AK4: variants seen among roughly 807,000 people sequenced by gnomAD.
AK4 encodes the protein adenylate kinase 4, mitochondrial.
Under a neutral mutation model 24.6 loss-of-function variants are expected in AK4, and 13 were observed. That is an observed-to-expected ratio of 0.53 (90% confidence interval 0.34 to 0.84). AK4 has a LOEUF of 0.84. Ranked by LOEUF, AK4 falls within the 40% of genes least tolerant of loss-of-function variation. The probability of loss-of-function intolerance (pLI) is 0.01; values close to 1 mark genes in which losing one functional copy is unlikely to be tolerated. For synonymous variants in AK4, 88 were observed against 107.0 expected (o/e 0.82, Z 1.10); for missense variants, 192 against 288.2 (o/e 0.67, Z 2.42).
intron 1 of AK4, among the ~76,000 whole-genome samples, chr1:65,150,556 T>C (rs1483262039): frequency 6.6e-6 from 1 of 152,198 alleles, no homozygotes. Context: ...TTTTTCCCTC[T>C]CAGAAGGTCT....
At chr1:65,225,858 A>T (rs981682610) in intron 4 of AK4, among the ~76,000 whole-genome samples, 4 of 152,196 alleles carry the variant, frequency 2.6e-5, no homozygotes, top group Admixed American at 1.3e-4. Flanking sequence ...GCATCATGAC[A>T]AGCATACCAG....
intron 1 of AK4, among the ~76,000 whole-genome samples, chr1:65,175,675 T>A (rs1650689732): frequency 6.6e-6 from 1 of 152,162 alleles, no homozygotes; most frequent in Non-Finnish European, 1.5e-5. Flanking sequence ...AGAGGGCCCC[T>A]GAGATTTCCA....
intron 3 of AK4, among the ~76,000 whole-genome samples, chr1:65,224,310 C>T (rs1482038611): frequency 6.6e-6 from 1 of 152,100 alleles, no homozygotes; most frequent in Non-Finnish European, 1.5e-5. Context: ...CCGTATTCTC[C>T]TAGATTAGTA....
intron 1 of AK4, among the ~76,000 whole-genome samples, chr1:65,179,041 G>A (rs4570453): frequency 0.042 from 6,458 of 152,204 alleles, 363 homozygotes; most frequent in African/African-American, 0.13. Flanking sequence ...GATGGATTGG[G>A]GGAGGGAGAG....
chr1:65,183,067 T>C (rs1053332594), intron 1 of AK4, among the ~76,000 whole-genome samples: 2 of 152,144 alleles, frequency 1.3e-5, no homozygotes, highest in African/African-American at 2.4e-5. Context: ...GCCTGGCACA[T>C]AGATGCTTAA....
At chr1:65,157,894 G>A (rs1219021688) in intron 1 of AK4, among the ~76,000 whole-genome samples, 1 of 152,136 alleles carries the variant, frequency 6.6e-6, no homozygotes, top group Non-Finnish European at 1.5e-5. Flanking sequence ...CTTTTTAGAG[G>A]AGGCGATTCC....
At chr1:65,190,304 G>GC (rs1240355242) in intron 1 of AK4, among the ~76,000 whole-genome samples, 1 of 150,906 alleles carries the variant, frequency 6.6e-6, no homozygotes, top group Non-Finnish European at 1.5e-5. Context: ...GCCCAGGCTG[G>GC]CATTCAGTAG....
At chr1:65,158,937 T>G (rs1218426330) in intron 1 of AK4, among the ~76,000 whole-genome samples, 1 of 152,210 alleles carries the variant, frequency 6.6e-6, no homozygotes, top group Non-Finnish European at 1.5e-5. Context: ...AAAGGTCTTG[T>G]TTGTACAGCT....
intron 4 of AK4, among the ~76,000 whole-genome samples, chr1:65,225,706 G>A (rs1652433474): frequency 6.6e-6 from 1 of 152,030 alleles, no homozygotes; most frequent in Non-Finnish European, 1.5e-5. Flanking sequence ...CATCAATTAT[G>A]TATTCCATGA....
rs1382362534 is a variant in AK4 at position 65,148,416 on chromosome 1, C to T, written c.9C>T (p.Ser3=). Residue 3 remains serine, a synonymous_variant, in exon 1 of 5, where the codon TCC becomes TCT. Transcript: ENST00000327299. MA[S]KLLRAVILGP... is the part of the protein sequence containing the mutation. ...CCCTCCTCGCGAAGGCAATGGCTTC[C>T]AAACTCCTGCGCGCGGTCATCCTCG... The T allele has an allele frequency of 5.6e-5, 87 of 1,544,790 alleles. No homozygotes were observed. The highest frequency in any genetic ancestry group is 7.2e-5 in the Non-Finnish European group (82 of 1,145,226).
At chr1:65,148,679 G>A (rs1383776447) in intron 1 of AK4, 127 bp downstream of exon 1, 1 of 1,287,432 alleles carries the variant, frequency 7.8e-7, no homozygotes. Context: ...AGGCTCGTAC[G>A]TGCCGGGGCG....
intron 2 of AK4, among the ~76,000 whole-genome samples, chr1:65,208,568 G>A (rs1052736923): frequency 2.6e-5 from 4 of 152,160 alleles, no homozygotes; most frequent in African/African-American, 7.2e-5. Flanking sequence ...AGAGATGGGC[G>A]GTCCGAAGCA....
At chr1:65,185,480 G>T (rs1038890476) in intron 1 of AK4, among the ~76,000 whole-genome samples, 2 of 152,052 alleles carry the variant, frequency 1.3e-5, no homozygotes, top group Non-Finnish European at 2.9e-5. Context: ...GTTCTTCCAG[G>T]TATACCAAAG....
Position 65,210,053 on chromosome 1 carries a change from T to G in AK4, c.266-8701T>G, listed in dbSNP as rs146396194. 6.6e-4 allele frequency among the ~76,000 whole-genome samples: 101 copies of G among 152,292 alleles called. 2 individuals are homozygous for G. In the East Asian group the frequency reaches 0.019, roughly 29 times the overall value. ...AAAATCCTGGGCTCAAGTGAAATCC[T>G]CTCAAAATGCTGGGACTGTAGGTGT... On this transcript the variant is annotated intron_variant, in intron 2 of 4. Coordinates refer to ENST00000327299, the MANE Select transcript of AK4 (RefSeq NM_013410.4).
intron 2 of AK4, among the ~76,000 whole-genome samples, chr1:65,192,924 G>GA (rs1290841798): frequency 5.9e-5 from 9 of 152,244 alleles, no homozygotes; most frequent in Non-Finnish European, 1.2e-4. Context: ...CAGGGCCTCA[G>GA]AAGCCCCACC....
chr1:65,181,824 T>A (rs1007856329), intron 1 of AK4, among the ~76,000 whole-genome samples: 1 of 152,242 alleles, frequency 6.6e-6, no homozygotes, highest in African/African-American at 2.4e-5. Flanking sequence ...CTGAAGAAGA[T>A]CACAGATGAC....
At chr1:65,186,544 T>C (rs1416252894) in intron 1 of AK4, among the ~76,000 whole-genome samples, 1 of 152,184 alleles carries the variant, frequency 6.6e-6, no homozygotes, top group Non-Finnish European at 1.5e-5. Context: ...TAATTTCTAG[T>C]AGAGGGGGCA....
intron 2 of AK4, among the ~76,000 whole-genome samples, chr1:65,204,037 T>C (rs903207014): frequency 4.6e-5 from 7 of 151,880 alleles, no homozygotes; most frequent in Admixed American, 1.3e-4. Context: ...TATGGAAAAA[T>C]GCAACGGAAA....
At chr1:65,149,664 A>G (rs1649700568) in intron 1 of AK4, among the ~76,000 whole-genome samples, 1 of 152,216 alleles carries the variant, frequency 6.6e-6, no homozygotes, top group Non-Finnish European at 1.5e-5. Context: ...ACCAGAAAAC[A>G]AAAGGAAAGC....
Sources: allele counts gnomAD v4.1 joint callset (sites outside exome capture counted in the v4.1 genomes callset), GRCh38; gene constraint gnomAD v4.1.1; transcripts MANE v1.5; gene names NCBI Gene and HGNC (gene_info 2026-07-23, HGNC 2026-07-21).